Variants in PTPN3 observed in about 807,000 individuals in gnomAD.
The protein encoded by PTPN3 is protein tyrosine phosphatase non-receptor type 3.
Under a neutral mutation model 132.7 loss-of-function variants are expected in PTPN3, and 96 were observed. The observed-to-expected ratio is 0.72, with a 90% CI of 0.61 to 0.86. The LOEUF (loss-of-function observed/expected upper bound fraction) is 0.86. Ranked by LOEUF, PTPN3 falls within the 40% of genes least tolerant of loss-of-function variation. The probability of loss-of-function intolerance (pLI) is 0.00; values close to 1 mark genes in which losing one functional copy is unlikely to be tolerated. For missense variants in PTPN3, 1,125 were observed against 1,159.6 expected (o/e 0.97, Z 0.43); for synonymous variants, 398 against 429.0 (o/e 0.93, Z 0.89).
chr9:109,520,508 C>T, the PTPN3 span, among the ~76,000 whole-genome samples: 1 of 152,228 alleles, frequency 6.6e-6, no homozygotes, highest in African/African-American at 2.4e-5. Flanking sequence ...ACTGCAGGCG[C>T]CTAGCGGAAC....
chr9:109,421,539 T>G (rs34579830), intron 13 of PTPN3, among the ~76,000 whole-genome samples: 28 of 152,128 alleles, frequency 1.8e-4, no homozygotes, highest in Non-Finnish European at 3.8e-4. Context: ...GGGCCACGAG[T>G]GTGGCAACAT....
At chr9:109,407,993 G>T (rs924761429) in intron 17 of PTPN3, among the ~76,000 whole-genome samples, 2 of 152,256 alleles carry the variant, frequency 1.3e-5, no homozygotes, top group Non-Finnish European at 2.9e-5. Flanking sequence ...CAGAACAGCA[G>T]ACTGCCTAAG....
chr9:109,506,714 C>T, the PTPN3 span, among the ~76,000 whole-genome samples: 1 of 151,888 alleles, frequency 6.6e-6, no homozygotes, highest in Admixed American at 6.6e-5. Flanking sequence ...GCAATCCTCC[C>T]ACCCCAGCCT....
At chr9:109,412,707 A>G (rs903081711) in intron 14 of PTPN3, among the ~76,000 whole-genome samples, 2 of 151,256 alleles carry the variant, frequency 1.3e-5, no homozygotes, top group African/African-American at 4.9e-5. Flanking sequence ...GGGTCTCACT[A>G]TGCTGCCTAG....
the PTPN3 span, chr9:109,532,856 C>A: frequency 8.6e-6 from 9 of 1,043,256 alleles, no homozygotes; most frequent in Non-Finnish European, 1.1e-5. Flanking sequence ...TGCTTAGCCT[C>A]GGGAGCGGAC....
Position 109,410,432 on chromosome 9 carries a change from G to A in PTPN3, c.1314-17C>T. 6.2e-7 allele frequency: 1 copy of A among 1,612,124 alleles called. No homozygotes were observed. Among genetic ancestry groups the A allele is most frequent in the South Asian group, 1.1e-5 (1 of 90,946 alleles). Reference sequence around the variant, plus strand: ...GATAAACTCCTTCATCATGGGGAAGGAGGAGATATTAATAACTGGGTTAAT... The same window carrying A: ...GATAAACTCCTTCATCATGGGGAAGAAGGAGATATTAATAACTGGGTTAAT... On this transcript the variant is annotated splice_polypyrimidine_tract_variant and intron_variant, in intron 14 of 25. Coordinates refer to ENST00000374541, the MANE Select transcript of PTPN3 (RefSeq NM_002829.4).
At chr9:109,505,382 C>T in the PTPN3 span, among the ~76,000 whole-genome samples, 1 of 152,240 alleles carries the variant, frequency 6.6e-6, no homozygotes, top group Non-Finnish European at 1.5e-5. Flanking sequence ...AAGTGATCTT[C>T]CTGCCTCAGC....
intron 19 of PTPN3, among the ~76,000 whole-genome samples, chr9:109,392,045 T>C (rs963530818): frequency 2.6e-5 from 4 of 152,276 alleles, no homozygotes; most frequent in Admixed American, 2.0e-4. Flanking sequence ...TCCCAATATA[T>C]AGTACATTTC....
rs549251681 is a variant in PTPN3 at position 109,445,099 on chromosome 9, A to G, written c.466+141T>C. 2.8e-4 allele frequency: 214 copies of G among 766,852 alleles called. 2 individuals are homozygous for G. The South Asian group carries it at 3.3e-3, about 12-fold the overall frequency. The allele number at this position is 766,852 out of a possible 1,614,324, so 47.5% of individuals were successfully genotyped here. A position where few individuals can be genotyped will look rare whatever the true frequency, so the allele number is the denominator to read the frequency against. On this transcript the variant is annotated intron_variant, in intron 7 of 25. Transcript: ENST00000374541. Reference sequence around the variant, plus strand: ...AGAGTGCCAGTCTGAGTAGAAACACATATCTGGACAGCCAGAGATATGCTG... The same window carrying G: ...AGAGTGCCAGTCTGAGTAGAAACACGTATCTGGACAGCCAGAGATATGCTG...
the PTPN3 span, among the ~76,000 whole-genome samples, chr9:109,515,217 G>C: frequency 6.6e-6 from 1 of 152,060 alleles, no homozygotes; most frequent in African/African-American, 2.4e-5. Context: ...TAGAGATGGG[G>C]TTTCACCATG....
At chr9:109,463,249 T>C (rs1351489914) in intron 2 of PTPN3, 48 bp downstream of exon 2, 1 of 1,483,386 alleles carries the variant, frequency 6.7e-7, no homozygotes, top group East Asian at 2.4e-5. Context: ...AACTATTTGT[T>C]AGGAGCATTA....
At chr9:109,522,760 T>C in the PTPN3 span, among the ~76,000 whole-genome samples, 1 of 152,188 alleles carries the variant, frequency 6.6e-6, no homozygotes, top group African/African-American at 2.4e-5. Context: ...ATGCATGAGA[T>C]GTTTATTAAA....
upstream of PTPN3, among the ~76,000 whole-genome samples, chr9:109,498,479 G>C (rs6477707): frequency 0.28 from 43,043 of 151,724 alleles, 6,552 homozygotes; most frequent in Non-Finnish European, 0.32. The surrounding 1 kb of genome is among the most constrained non-coding windows in gnomAD (Gnocchi z 4.2). Flanking sequence ...TCTCCGCCGA[G>C]CTCCGGGCAG....
chr9:109,446,629 C>A (rs1322909619), intron 6 of PTPN3, among the ~76,000 whole-genome samples: 1 of 152,152 alleles, frequency 6.6e-6, no homozygotes, highest in Admixed American at 6.5e-5. Flanking sequence ...AGTGTCCTTG[C>A]TGGAGAAAGA....
At chr9:109,436,789 G>A in intron 9 of PTPN3, 94 bp downstream of exon 9, 16 of 1,484,328 alleles carry the variant, frequency 1.1e-5, no homozygotes, top group South Asian at 2.8e-5. Context: ...CTGTTATAAT[G>A]AAAAAGAAAT....
Position 109,484,162 on chromosome 9 carries a change from C to T in PTPN3, c.-18+14057G>A, listed in dbSNP as rs139201035. Among the ~76,000 whole-genome samples the T allele has an allele frequency of 1.4e-3, 219 of 152,274 alleles. 2 individuals carry two copies. The highest frequency in any genetic ancestry group is 4.8e-3 in the African/African-American group (199 of 41,552). ...CTGAGCCCCACCCTGCCCTGGGTGG[C>T]GCACACCAACCACAGCTCTCTCCAC... On this transcript the variant is annotated intron_variant, in intron 1 of 25. Coordinates refer to ENST00000374541, the MANE Select transcript of PTPN3 (RefSeq NM_002829.4).
At chr9:109,445,476 A>AT (rs1233502132) in intron 6 of PTPN3, among the ~76,000 whole-genome samples, 184 bp from the exon 7 acceptor site, 1 of 152,246 alleles carries the variant, frequency 6.6e-6, no homozygotes, top group Non-Finnish European at 1.5e-5. Flanking sequence ...ATACACTAAA[A>AT]TTTTTTAAAA....
chr9:109,454,894 T>C (rs906269115), intron 4 of PTPN3, among the ~76,000 whole-genome samples: 1 of 152,252 alleles, frequency 6.6e-6, no homozygotes, highest in Non-Finnish European at 1.5e-5. Context: ...TCGGCATTAT[T>C]ATGCAAAATA....
At chr9:109,508,915 G>C in the PTPN3 span, among the ~76,000 whole-genome samples, 1 of 152,118 alleles carries the variant, frequency 6.6e-6, no homozygotes, top group African/African-American at 2.4e-5. Flanking sequence ...AAGGTCTGCA[G>C]GTGGGCAGTG....
Sources: allele counts gnomAD v4.1 joint callset (sites outside exome capture counted in the v4.1 genomes callset), GRCh38; gene constraint gnomAD v4.1.1; non-coding constraint Gnocchi (gnomAD v3.1); transcripts MANE v1.5; gene names NCBI Gene and HGNC (gene_info 2026-07-23, HGNC 2026-07-21).